CHAF1A: variants seen among roughly 807,000 people sequenced by gnomAD.
CHAF1A encodes CAF-1 subunit A.
CHAF1A carries 5 observed loss-of-function variants against 93.2 expected under a neutral mutation model. The observed-to-expected ratio is 0.05, with a 90% CI of 0.03 to 0.11. CHAF1A has a LOEUF of 0.11. Among genes scored for constraint, CHAF1A ranks in the 10% least tolerant of loss-of-function variants. CHAF1A has a pLI of 1.00. For synonymous variants in CHAF1A, 504 were observed against 510.3 expected (o/e 0.99, Z 0.17); for missense variants, 1,102 against 1,259.9 (o/e 0.87, Z 1.90).
chr19:4,430,769 G>A, intron 11 of CHAF1A, 128 bp downstream of exon 11: 2 of 930,340 alleles, frequency 2.1e-6, no homozygotes, highest in African/African-American at 1.7e-5. Context: ...TGCATTCCAA[G>A]CACGCAAGCT....
In CHAF1A at chr19:4,405,772, C is replaced by T. The variant is rs549468736; in HGVS notation, c.53-140C>T. The T allele has an allele frequency of 5.8e-6, 4 of 695,472 alleles. 1 individual carries two copies. The East Asian group carries it at 1.0e-4, about 18-fold the overall frequency. The allele number at this position is 695,472 out of a possible 1,614,324, so 43.1% of individuals were successfully genotyped here. A position where few individuals can be genotyped will look rare whatever the true frequency, so the allele number is the denominator to read the frequency against. On this transcript the variant is annotated intron_variant, in intron 1 of 14. Transcript: ENST00000301280. ...TGCATCATGACAACCAAAAACATCT[C>T]TAGACTGTGTCAAATGGCCCCCGAG...
At chr19:4,403,289 G>A (rs1055738668) in intron 1 of CHAF1A, among the ~76,000 whole-genome samples, 1 of 152,194 alleles carries the variant, frequency 6.6e-6, no homozygotes, top group African/African-American at 2.4e-5. Context: ...AGATGGTAGA[G>A]ATGGCCAGGA....
chr19:4,446,055 G>GA, downstream of CHAF1A: 1 of 1,611,066 alleles, frequency 6.2e-7, no homozygotes, highest in South Asian at 1.1e-5. Context: ...TCACCAGCCC[G>GA]CACTCGTTCA....
Position 4,428,058 on chromosome 19 carries a change from A to G in CHAF1A, c.1378-606A>G, listed in dbSNP as rs1481840932. ...TTTTTAGTAGAGATGGGGTTTCACC[A>G]TGTTGGGCAGGCTGGTCTCGAACTC... On this transcript the variant is annotated intron_variant, in intron 7 of 14. Transcript: ENST00000301280. Among the ~76,000 whole-genome samples the G allele has an allele frequency of 5.4e-5, 8 of 149,022 alleles. 1 individual carries two copies. Among genetic ancestry groups the G allele is most frequent in the African/African-American group, 2.0e-4 (8 of 40,268 alleles).
downstream of CHAF1A, chr19:4,449,255 C>T (rs243390): frequency 0.54 from 81,829 of 152,202 alleles, 22,494 homozygotes; most frequent in Admixed American, 0.71. Flanking sequence ...GCTGCCCAGA[C>T]GAGGGCGGGT....
Position 4,430,044 on chromosome 19 carries a change from GC to G in CHAF1A, c.1854+261del. On this transcript the variant is annotated intron_variant, in intron 10 of 14. Transcript: ENST00000301280. ...TCCGCATCTGCACCGTGGCCCCACA[GC>G]CCCCTCTTGCCTCCTGCGGGCCTGC... is the stretch of plus-strand genomic sequence containing the variant. The G allele has an allele frequency of 6.4e-6, 3 of 469,260 alleles. No homozygotes were observed. In the South Asian group the frequency reaches 7.3e-5, roughly 11 times the overall value. The allele number at this position is 469,260 out of a possible 1,614,324, so 29.1% of individuals were successfully genotyped here.
chr19:4,408,439 G>A (rs995222886), intron 2 of CHAF1A, among the ~76,000 whole-genome samples: 2 of 127,896 alleles, frequency 1.6e-5, no homozygotes, highest in African/African-American at 6.2e-5. Flanking sequence ...TGATCCGCCT[G>A]CCTTGGCCTC....
At position 4,422,614 on chromosome 19, in the gene CHAF1A, G is replaced by A. The variant is rs1218753070; in HGVS notation, c.1066G>A (p.Glu356Lys). 1 of 1,587,048 alleles carries A rather than the reference G, an allele frequency of 6.3e-7. No homozygotes were observed. The highest frequency in any genetic ancestry group is 2.3e-5 in the East Asian group (1 of 43,894). The change falls in exon 5 of 15, where the codon GAA becomes AAA. Residue 356 changes from glutamate (E) to lysine (K), a missense_variant. Around this residue, in one of 6 missense-constraint regions of CHAF1A, gnomAD observed 165 missense variants for 243.9 expected, o/e 0.68. Coordinates refer to ENST00000301280, the MANE Select transcript of CHAF1A (RefSeq NM_005483.3). This position sits in a 1 kb window ranked among gnomAD's most constrained non-coding sequence, Gnocchi z 4.6. ...GCTCAAGTTACGTGCAGAAAGGGAAGAAAAGGAGAAGCTGAAAGAGGAGGC... is the reference window on the plus strand; with the variant it reads ...GCTCAAGTTACGTGCAGAAAGGGAAAAAAAGGAGAAGCTGAAAGAGGAGGC... ...KQLKLRAERE[E>K]KEKLKEEAKR...
chr19:4,446,096 GC>G (rs1414565363), downstream of CHAF1A: 12 of 1,612,640 alleles, frequency 7.4e-6, no homozygotes, highest in Non-Finnish European at 1.0e-5. Context: ...GACAGCTTCT[GC>G]CCTCCCGAGG....
intron 1 of CHAF1A, among the ~76,000 whole-genome samples, chr19:4,404,256 C>T (rs567949523): frequency 6.6e-6 from 1 of 152,330 alleles, no homozygotes; most frequent in East Asian, 1.9e-4. Flanking sequence ...ACTTTATACA[C>T]ACATATGTGT....
chr19:4,418,160 G>T, intron 4 of CHAF1A, 84 bp downstream of exon 4: 2 of 915,734 alleles, frequency 2.2e-6, no homozygotes, highest in Non-Finnish European at 3.4e-6. Flanking sequence ...AAGTTCCTTT[G>T]GTCTAGTTTT....
intron 7 of CHAF1A, 22 bp downstream of exon 7, chr19:4,423,896 C>T (rs1974035313): frequency 6.2e-7 from 1 of 1,611,084 alleles, no homozygotes; most frequent in African/African-American, 1.3e-5. Context: ...GCTGCCTTTG[C>T]TTTTGGGTTT....
rs776745637 is a variant in CHAF1A, at chr19:4,409,716, A to C, written c.917A>C (p.His306Pro). The change falls in exon 3 of 15, where the codon CAC becomes CCC. Residue 306 changes from histidine (H) to proline (P), a missense_variant. By Grantham distance (77) the His-to-Pro change is moderately conservative (BLOSUM62 -2). Coordinates refer to ENST00000301280, the MANE Select transcript of CHAF1A (RefSeq NM_005483.3). ...PEGPPAPPKQ[H>P]SSTSPFPTST... ...GGGCCGCCTGCTCCCCCAAAGCAGC[A>C]CAGCAGTACCAGTCCCTTCCCCACC... 1 of 1,614,040 alleles carries C rather than the reference A, an allele frequency of 6.2e-7. No homozygotes were observed. Among genetic ancestry groups the C allele is most frequent in the Non-Finnish European group, 8.5e-7 (1 of 1,179,986 alleles).
chr19:4,447,486 G>A (rs557317932), downstream of CHAF1A: 377 of 1,580,258 alleles, frequency 2.4e-4, no homozygotes, highest in Admixed American at 1.0e-3. Flanking sequence ...GGCCACCACC[G>A]GCTCCTGCAG....
At chr19:4,436,105 C>T (rs1249633410) in intron 13 of CHAF1A, among the ~76,000 whole-genome samples, 1 of 151,908 alleles carries the variant, frequency 6.6e-6, no homozygotes, top group Non-Finnish European at 1.5e-5. Flanking sequence ...CACCATTGTA[C>T]TCGAGCCTGG....
chr19:4,413,874 A>G (rs1394234882), intron 3 of CHAF1A, among the ~76,000 whole-genome samples: 1 of 152,162 alleles, frequency 6.6e-6, no homozygotes, highest in East Asian at 1.9e-4. Context: ...GAATAGCTGA[A>G]GTGTTCCTTT....
rs528438669 is a variant in CHAF1A at position 4,442,368 on chromosome 19, G to A, written c.2770+27G>A. The A allele has an allele frequency of 2.6e-5, 40 of 1,538,196 alleles. No individual in the cohort carries two copies. In the East Asian group the frequency reaches 3.8e-4, roughly 15 times the overall value. On this transcript the variant is annotated intron_variant, in intron 14 of 14. Coordinates refer to ENST00000301280, the MANE Select transcript of CHAF1A (RefSeq NM_005483.3). ...TGAGAAGGGCTGTAGATAGCAGAAC[G>A]CACTGGTGAGGTGGGCGCTGGAGGT...
At chr19:4,413,714 G>T (rs532831372) in intron 3 of CHAF1A, among the ~76,000 whole-genome samples, 1 of 152,278 alleles carries the variant, frequency 6.6e-6, no homozygotes, top group South Asian at 2.1e-4. Context: ...TCCGATACAG[G>T]TCCTGCTGTC....
intron 10 of CHAF1A, among the ~76,000 whole-genome samples, 181 bp from the exon 11 acceptor site, chr19:4,430,368 G>C (rs992065149): frequency 3.3e-5 from 5 of 152,086 alleles, no homozygotes; most frequent in Non-Finnish European, 7.4e-5. Flanking sequence ...AGTAGAGACA[G>C]AGTTTTACCA....
Sources: gnomAD v4.1 joint callset for allele counts (sites outside exome capture counted in the v4.1 genomes callset) on GRCh38, gnomAD v4.1.1 for gene constraint, gnomAD v4.1.1 regional missense constraint, Gnocchi (gnomAD v3.1) non-coding constraint, MANE v1.5 for transcripts, NCBI Gene and HGNC (gene_info 2026-07-23, HGNC 2026-07-21) for gene names.